COL11A1: variants seen among roughly 807,000 people sequenced by gnomAD.
COL11A1 encodes the protein collagen type XI alpha 1 chain.
In COL11A1, 74 loss-of-function variants were observed where a neutral mutation model predicts 265.2. The observed-to-expected ratio is 0.28, with a 90% CI of 0.23 to 0.34. The LOEUF (loss-of-function observed/expected upper bound fraction) is 0.34. Among genes scored for constraint, COL11A1 ranks in the 10% least tolerant of loss-of-function variants. COL11A1 has a pLI of 1.00. For missense variants in COL11A1, 2,165 were observed against 2,263.6 expected (o/e 0.96, Z 0.88); for synonymous variants, 816 against 727.6 (o/e 1.12, Z -1.96).
intron 28 of COL11A1, among the ~76,000 whole-genome samples, chr1:102,990,625 G>GA (rs202150545): frequency 1.2e-4 from 18 of 150,884 alleles, no homozygotes; most frequent in East Asian, 3.9e-4. Context: ...TTAAGTTCAA[G>GA]AAAAAAAAAT....
chr1:103,039,722 A>G (rs900764813), intron 4 of COL11A1, among the ~76,000 whole-genome samples: 1 of 151,638 alleles, frequency 6.6e-6, no homozygotes, highest in Admixed American at 6.6e-5. Flanking sequence ...TAAAAAACTA[A>G]TATAAATCAG....
chr1:102,881,799 G>A (rs1417343175), intron 64 of COL11A1, 34 bp from the exon 65 acceptor site: 6 of 1,532,576 alleles, frequency 3.9e-6, no homozygotes, highest in Admixed American at 1.7e-5. Flanking sequence ...TAGTGAGTAG[G>A]TGAAAATTTA....
intron 30 of COL11A1, among the ~76,000 whole-genome samples, chr1:102,985,417 T>G (rs953919780): frequency 1.3e-5 from 2 of 152,068 alleles, no homozygotes; most frequent in Non-Finnish European, 2.9e-5. Context: ...ATGGAAAATA[T>G]CAAACAAACC....
intron 4 of COL11A1, among the ~76,000 whole-genome samples, chr1:103,060,904 C>CTA (rs948951031): frequency 1.3e-5 from 2 of 151,760 alleles, no homozygotes; most frequent in African/African-American, 2.4e-5. Context: ...ATTATTCTAA[C>CTA]TATATATATA....
intron 9 of COL11A1, among the ~76,000 whole-genome samples, chr1:103,021,041 C>T (rs1268399078): frequency 2.7e-5 from 4 of 148,060 alleles, no homozygotes; most frequent in African/African-American, 4.9e-5. Flanking sequence ...TTTTTATGTC[C>T]TTACAATTTC....
chr1:102,907,732 A>G (rs1308601093), intron 54 of COL11A1, among the ~76,000 whole-genome samples: 1 of 33,326 alleles, frequency 3.0e-5, no homozygotes. Flanking sequence ...GTTTAATATT[A>G]GATTTTGAGA....
At chr1:102,945,114 A>C (rs967738745) in intron 42 of COL11A1, among the ~76,000 whole-genome samples, 4 of 152,150 alleles carry the variant, frequency 2.6e-5, no homozygotes, top group African/African-American at 9.7e-5. Flanking sequence ...TTGGAAACTT[A>C]ATTCCCAGTG....
At chr1:102,930,577 G>C (rs1657283881) in intron 46 of COL11A1, among the ~76,000 whole-genome samples, 1 of 152,142 alleles carries the variant, frequency 6.6e-6, no homozygotes, top group Non-Finnish European at 1.5e-5. Flanking sequence ...TCTCTGCCCG[G>C]CTTTAGTATC....
intron 63 of COL11A1, among the ~76,000 whole-genome samples, chr1:102,885,949 T>A (rs191933982): frequency 6.6e-6 from 1 of 152,276 alleles, no homozygotes; most frequent in East Asian, 1.9e-4. Flanking sequence ...CATCCTTTTT[T>A]TTATGCTGGC....
intron 4 of COL11A1, among the ~76,000 whole-genome samples, chr1:103,037,176 A>G (rs555525535): frequency 1.3e-5 from 2 of 150,800 alleles, no homozygotes; most frequent in South Asian, 4.2e-4. Context: ...TATAAGGCAT[A>G]GCTGTTTCAA....
chr1:102,975,553 A>G (rs918091608), intron 35 of COL11A1, among the ~76,000 whole-genome samples: 1 of 152,104 alleles, frequency 6.6e-6, no homozygotes, highest in Non-Finnish European at 1.5e-5. Context: ...TTGATTTTTA[A>G]TTAACTATAT....
intron 1 of COL11A1, among the ~76,000 whole-genome samples, chr1:103,091,948 G>A (rs1042302048): frequency 1.3e-5 from 2 of 152,022 alleles, no homozygotes; most frequent in African/African-American, 4.8e-5. Flanking sequence ...TATCTTTTCA[G>A]AAAATAGAAA....
chr1:102,990,356 A>T (rs1216323219), intron 28 of COL11A1, among the ~76,000 whole-genome samples: 2 of 151,676 alleles, frequency 1.3e-5, no homozygotes, highest in Non-Finnish European at 2.9e-5. Flanking sequence ...AATCATGTCC[A>T]TTAGATAAAT....
intron 3 of COL11A1, among the ~76,000 whole-genome samples, chr1:103,077,334 T>A (rs934443231): frequency 2.0e-5 from 3 of 151,984 alleles, no homozygotes; most frequent in African/African-American, 7.2e-5. Flanking sequence ...TTGTTTTTTT[T>A]TCTTCAGTTA....
At chr1:102,942,448 A>G (rs1315920435) in intron 42 of COL11A1, among the ~76,000 whole-genome samples, 1 of 152,162 alleles carries the variant, frequency 6.6e-6, no homozygotes, top group Non-Finnish European at 1.5e-5. Flanking sequence ...ATTCCTCAAG[A>G]TGACATAACT....
chr1:102,917,813 T>A (rs1271797), intron 49 of COL11A1, among the ~76,000 whole-genome samples: 12,217 of 151,786 alleles, frequency 0.08, 1,074 homozygotes, highest in African/African-American at 0.22. Context: ...TGATAAAAAA[T>A]TTAAAATATA....
chr1:103,001,516 A>T (rs994668713), intron 24 of COL11A1: 15 of 448,298 alleles, frequency 3.3e-5, no homozygotes, highest in African/African-American at 2.8e-4. Flanking sequence ...TTCATATATG[A>T]GATATAATGG....
intron 54 of COL11A1, among the ~76,000 whole-genome samples, chr1:102,901,299 A>G (rs546556346): frequency 1.3e-5 from 2 of 150,240 alleles, no homozygotes; most frequent in Admixed American, 1.3e-4. Context: ...CAGCCTGGGA[A>G]ATAAAAGCAA....
chr1:102,930,006 T>A (rs982444373), intron 46 of COL11A1, among the ~76,000 whole-genome samples: 1 of 152,002 alleles, frequency 6.6e-6, no homozygotes, highest in African/African-American at 2.4e-5. Flanking sequence ...GACAATGGGG[T>A]TTTCTAGATA....
Sources: gnomAD v4.1 joint callset for allele counts (sites outside exome capture counted in the v4.1 genomes callset) on GRCh38, gnomAD v4.1.1 for gene constraint, MANE v1.5 for transcripts, NCBI Gene and HGNC (gene_info 2026-07-23, HGNC 2026-07-21) for gene names.